Variants in ANKRD11 observed in about 807,000 individuals in gnomAD.
The protein encoded by ANKRD11 is ankyrin repeat domain-containing protein 11.
Under a neutral mutation model 195.7 loss-of-function variants are expected in ANKRD11, and 17 were observed. That is an observed-to-expected ratio of 0.09 (90% CI 0.06 to 0.13). ANKRD11 has a LOEUF of 0.13. Among genes scored for constraint, ANKRD11 ranks in the 10% least tolerant of loss-of-function variants. The pLI is 1.00. For missense variants in ANKRD11, 3,735 were observed against 3,566.1 expected (o/e 1.05, Z -1.21); for synonymous variants, 1,953 against 1,528.1 (o/e 1.28, Z -6.49).
intron 9 of ANKRD11, among the ~76,000 whole-genome samples, chr16:89,275,596 A>C (rs950224836): frequency 6.6e-6 from 1 of 152,182 alleles, no homozygotes; most frequent in Non-Finnish European, 1.5e-5. Context: ...CATGCACCCC[A>C]AATCAGCCTT....
intron 1 of ANKRD11, among the ~76,000 whole-genome samples, chr16:89,424,578 G>A (rs1468733348): frequency 6.6e-6 from 1 of 152,124 alleles, no homozygotes; most frequent in Non-Finnish European, 1.5e-5. Flanking sequence ...CCACACCACG[G>A]AGACCACTCA....
chr16:89,340,586 CTT>C (rs2038609078), intron 2 of ANKRD11, among the ~76,000 whole-genome samples: 1 of 152,184 alleles, frequency 6.6e-6, no homozygotes, highest in South Asian at 2.1e-4. Flanking sequence ...TGTTGTAAAT[CTT>C]TTATCAAGAG....
intron 2 of ANKRD11, among the ~76,000 whole-genome samples, chr16:89,318,675 G>A (rs1306269394): frequency 2.0e-5 from 3 of 152,208 alleles, no homozygotes; most frequent in Non-Finnish European, 2.9e-5. Flanking sequence ...ACCACAAGAT[G>A]CTTCTCCTCC....
chr16:89,326,801 C>T (rs1345496165), intron 2 of ANKRD11, among the ~76,000 whole-genome samples: 5 of 152,158 alleles, frequency 3.3e-5, no homozygotes, highest in Admixed American at 6.5e-5. Flanking sequence ...GTGCTTGGCC[C>T]AGAGCAGTGC....
Position 89,317,052 on chromosome 16 carries a change from G to C in ANKRD11, c.-33C>G. ...CTCCTCACCCGATCTTCATTTACAC[G>C]GCCGGCGCTTCATCATCAACCGTCT... On this transcript the variant is annotated 5_prime_UTR_variant, in exon 3 of 13. Transcript: ENST00000301030. 1 of 1,599,420 alleles carries C rather than the reference G, an allele frequency of 6.3e-7. No individual in the cohort carries two copies. The highest frequency in any genetic ancestry group is 1.7e-4 in the Middle Eastern group (1 of 6,050).
At chr16:89,289,922 C>T (rs958437399) in intron 6 of ANKRD11, among the ~76,000 whole-genome samples, 1 of 152,122 alleles carries the variant, frequency 6.6e-6, no homozygotes, top group African/African-American at 2.4e-5. Context: ...CGCCTGCACC[C>T]GGAAGGCTGA....
chr16:89,460,238 A>T (rs1370147617), intron 1 of ANKRD11, among the ~76,000 whole-genome samples: 1 of 152,174 alleles, frequency 6.6e-6, no homozygotes, highest in Non-Finnish European at 1.5e-5. Flanking sequence ...ACACCGTCTC[A>T]AAAACAACAA....
At chr16:89,313,600 A>G (rs952952824) in intron 3 of ANKRD11, 1 of 1,288,580 alleles carries the variant, frequency 7.8e-7, no homozygotes, top group African/African-American at 1.5e-5. Flanking sequence ...CTAAAAATAT[A>G]TTGTTTTTGA....
chr16:89,485,716 C>G (rs1367836097), intron 1 of ANKRD11, among the ~76,000 whole-genome samples: 3 of 152,092 alleles, frequency 2.0e-5, no homozygotes, highest in Non-Finnish European at 4.4e-5. Context: ...AAAACCTAAA[C>G]ATACAGAAAA....
chr16:89,338,133 C>CA (rs2038470238), intron 2 of ANKRD11, among the ~76,000 whole-genome samples: 1 of 152,234 alleles, frequency 6.6e-6, no homozygotes, highest in African/African-American at 2.4e-5. Flanking sequence ...GTCAGGCTCC[C>CA]AGGACACTGC....
At chr16:89,440,604 ACT>A (rs1335968608) in intron 1 of ANKRD11, among the ~76,000 whole-genome samples, 2 of 152,088 alleles carry the variant, frequency 1.3e-5, no homozygotes, top group East Asian at 1.9e-4. Flanking sequence ...ACACGACAAA[ACT>A]CTGTCTCAAA....
intron 3 of ANKRD11, among the ~76,000 whole-genome samples, chr16:89,311,686 G>C (rs907979163): frequency 2.0e-5 from 3 of 152,188 alleles, no homozygotes; most frequent in Non-Finnish European, 4.4e-5. Flanking sequence ...TTTTAAAAGA[G>C]AGCACGAGTT....
chr16:89,284,300 G>A lies in ANKRD11; in HGVS notation c.2242C>T (p.Leu748=), dbSNP rs1186337010. 5 of 1,613,412 alleles carry A rather than the reference G, an allele frequency of 3.1e-6. No homozygotes were observed. The highest frequency in any genetic ancestry group is 4.2e-6 in the Non-Finnish European group (5 of 1,179,978). Residue 748 remains leucine, a synonymous_variant, in exon 9 of 13, where the codon CTG becomes TTG. Transcript: ENST00000301030. ...RSNKAEKERS[L]KEKSPKEEKL... is the part of the protein sequence containing the mutation. ...TCTTCTTTCGGAGACTTTTCCTTCA[G>A]CGATCTCTCCTTTTCTGCTTTATTC... is the stretch of plus-strand genomic sequence containing the variant.
At chr16:89,320,487 A>ACGCAGAGC (rs1404342777) in intron 2 of ANKRD11, 12 of 152,262 alleles carry the variant, frequency 7.9e-5, no homozygotes, top group African/African-American at 2.7e-4. Flanking sequence ...GGGAAGGTAA[A>ACGCAGAGC]CGCAGAGCCG....
At chr16:89,289,807 A>C (rs1252148383) in intron 6 of ANKRD11, among the ~76,000 whole-genome samples, 3 of 152,250 alleles carry the variant, frequency 2.0e-5, no homozygotes, top group Admixed American at 2.0e-4. Flanking sequence ...TTGGGAAGCC[A>C]AGGCGTGAGG....
intron 9 of ANKRD11, chr16:89,278,625 G>A (rs753452491): frequency 2.6e-5 from 12 of 460,120 alleles, no homozygotes; most frequent in South Asian, 1.7e-4. Context: ...GAGGAGGTGG[G>A]GGAAGGGACT....
chr16:89,309,909 C>T (rs2036516277), intron 3 of ANKRD11, among the ~76,000 whole-genome samples: 1 of 152,244 alleles, frequency 6.6e-6, no homozygotes. Flanking sequence ...CCTGCCGGGC[C>T]CCACCAGCCT....
chr16:89,323,337 T>C, intron 2 of ANKRD11: 2 of 1,288,266 alleles, frequency 1.6e-6, no homozygotes, highest in Non-Finnish European at 2.0e-6. Flanking sequence ...ATCCCAGGTA[T>C]GGAAGAGAAG....
At chr16:89,308,610 C>CA (rs2036434155) in intron 3 of ANKRD11, among the ~76,000 whole-genome samples, 1 of 152,202 alleles carries the variant, frequency 6.6e-6, no homozygotes, top group Non-Finnish European at 1.5e-5. Flanking sequence ...CTGCAGACCC[C>CA]AGCAAACGCC....
Sources: allele counts gnomAD v4.1 joint callset (sites outside exome capture counted in the v4.1 genomes callset), GRCh38; gene constraint gnomAD v4.1.1; transcripts MANE v1.5; gene names NCBI Gene and HGNC (gene_info 2026-07-23, HGNC 2026-07-21).